MSRA: variants seen among roughly 807,000 people sequenced by gnomAD.
The protein encoded by MSRA is methionine sulfoxide reductase A, also known as mitochondrial peptide methionine sulfoxide reductase.
A neutral mutation model predicts 31.3 loss-of-function variants in MSRA; 54 were observed. The ratio of observed to expected loss-of-function variants is 1.73; its 90% CI spans 1.39 to 2.17. The LOEUF (loss-of-function observed/expected upper bound fraction) is 2.17. Among genes scored for constraint, MSRA ranks in the 30% most tolerant of loss-of-function variants. MSRA has a pLI of 0.00. For synonymous variants in MSRA, 169 were observed against 116.5 expected (o/e 1.45, Z -2.90); for missense variants, 507 against 300.9 (o/e 1.69, Z -5.07).
intron 3 of MSRA, among the ~76,000 whole-genome samples, chr8:10,293,232 G>A (rs899768551): frequency 2.0e-5 from 3 of 152,144 alleles, no homozygotes; most frequent in African/African-American, 7.2e-5. Context: ...TCAGGGGTGC[G>A]CCATCCCTAT....
chr8:10,060,648 T>G (rs1802662080), intron 1 of MSRA, among the ~76,000 whole-genome samples: 1 of 152,196 alleles, frequency 6.6e-6, no homozygotes, highest in African/African-American at 2.4e-5. Context: ...GTTTTTTTTT[T>G]TTTCAATTTT....
chr8:10,069,426 G>T (rs1423818767), intron 1 of MSRA, among the ~76,000 whole-genome samples: 2 of 152,184 alleles, frequency 1.3e-5, no homozygotes, highest in Non-Finnish European at 2.9e-5. Context: ...TCGTCCATTC[G>T]TGTTGTGATA....
At chr8:10,087,585 C>G (rs1798630628) in intron 1 of MSRA, among the ~76,000 whole-genome samples, 1 of 152,132 alleles carries the variant, frequency 6.6e-6, no homozygotes, top group African/African-American at 2.4e-5. Flanking sequence ...GGAAATGGTC[C>G]ATAACTCATT....
At chr8:10,365,513 A>T (rs1234432865) in intron 5 of MSRA, among the ~76,000 whole-genome samples, 1 of 152,236 alleles carries the variant, frequency 6.6e-6, no homozygotes, top group African/African-American at 2.4e-5. Context: ...ATAAAAAAAG[A>T]ACGTTGTTGG....
chr8:10,167,800 C>T (rs957719325), intron 1 of MSRA, among the ~76,000 whole-genome samples: 2 of 152,078 alleles, frequency 1.3e-5, no homozygotes, highest in South Asian at 2.1e-4. Context: ...GTGAGATGTA[C>T]AAACAGAAGG....
intron 2 of MSRA, among the ~76,000 whole-genome samples, chr8:10,217,855 C>T (rs925582171): frequency 2.6e-5 from 4 of 152,116 alleles, no homozygotes; most frequent in African/African-American, 9.7e-5. Context: ...GAATCATGAG[C>T]CAGATCGCGT....
intron 1 of MSRA, 109 bp downstream of exon 1, chr8:10,054,767 C>T (rs934935462): frequency 3.2e-6 from 4 of 1,244,252 alleles, no homozygotes; most frequent in East Asian, 6.7e-5. Flanking sequence ...TGGCCTCGGG[C>T]GGGTCGCGGG....
intron 1 of MSRA, among the ~76,000 whole-genome samples, chr8:10,148,581 A>T (rs1281099460): frequency 6.6e-6 from 1 of 151,740 alleles, no homozygotes; most frequent in Non-Finnish European, 1.5e-5. Flanking sequence ...TGGGAGGCAG[A>T]GGTTGCAGTG....
rs541240276 is a variant in MSRA, at chr8:10,321,978, G to T, written c.543+1989G>T. The stretch of plus-strand genomic sequence containing the variant: ...GTTTTAGAGTAATTTAAGTATACTT[G>T]TATTTCCATTCTAAAAACCTTTTAC... On this transcript the variant is annotated intron_variant, in intron 5 of 5. Transcript: ENST00000317173. Among the ~76,000 whole-genome samples the T allele has an allele frequency of 3.3e-5, 5 of 152,344 alleles. No individual in the cohort carries two copies. In the East Asian group the frequency reaches 9.6e-4, roughly 29 times the overall value.
At chr8:10,205,871 G>A (rs527574694) in intron 1 of MSRA, among the ~76,000 whole-genome samples, 44 of 152,172 alleles carry the variant, frequency 2.9e-4, no homozygotes, top group African/African-American at 1.1e-3. Flanking sequence ...CCACATTTCT[G>A]TATCTCTCTC....
chr8:10,341,550 C>T (rs1803428068), intron 5 of MSRA, among the ~76,000 whole-genome samples: 1 of 152,168 alleles, frequency 6.6e-6, no homozygotes, highest in Admixed American at 6.5e-5. Context: ...TATATTTAAA[C>T]CATATCAACT....
chr8:10,103,383 T>C (rs1390695201), intron 1 of MSRA, among the ~76,000 whole-genome samples: 1 of 152,230 alleles, frequency 6.6e-6, no homozygotes, highest in Non-Finnish European at 1.5e-5. Flanking sequence ...TCAGGGTTCT[T>C]ACGGGTCATC....
At chr8:10,282,579 G>A (rs1799678986) in intron 3 of MSRA, among the ~76,000 whole-genome samples, 1 of 152,132 alleles carries the variant, frequency 6.6e-6, no homozygotes, top group Non-Finnish European at 1.5e-5. Flanking sequence ...CAGCCATAGT[G>A]GCACTGTGCT....
chr8:10,315,454 A>C (rs1346198834), intron 4 of MSRA, among the ~76,000 whole-genome samples: 1 of 152,228 alleles, frequency 6.6e-6, no homozygotes, highest in African/African-American at 2.4e-5. Flanking sequence ...TTCACTTTAT[A>C]ATCACTAATT....
At chr8:10,323,157 C>T (rs990211900) in intron 5 of MSRA, among the ~76,000 whole-genome samples, 7 of 150,908 alleles carry the variant, frequency 4.6e-5, no homozygotes, top group African/African-American at 7.3e-5. Context: ...TCCACTTGAG[C>T]GGTGGGAGGG....
At chr8:10,305,409 C>CTTTT (rs549346544) in intron 4 of MSRA, among the ~76,000 whole-genome samples, 5 of 122,968 alleles carry the variant, frequency 4.1e-5, no homozygotes, top group Non-Finnish European at 4.9e-5. Flanking sequence ...TGTTTTCTTC[C>CTTTT]TTTTTTTTTT....
At chr8:10,100,331 G>A (rs1424598728) in intron 1 of MSRA, among the ~76,000 whole-genome samples, 1 of 152,254 alleles carries the variant, frequency 6.6e-6, no homozygotes, top group Admixed American at 6.5e-5. Flanking sequence ...GGCGGTGAGG[G>A]GCTGGAATTT....
chr8:10,389,298 G>A (rs1465179602), intron 5 of MSRA, among the ~76,000 whole-genome samples: 1 of 152,202 alleles, frequency 6.6e-6, no homozygotes, highest in East Asian at 1.9e-4. Context: ...GAGTGATAGA[G>A]TTCTAGAGGA....
intron 1 of MSRA, among the ~76,000 whole-genome samples, chr8:10,075,271 T>C (rs1183096638): frequency 3.9e-5 from 6 of 152,228 alleles, no homozygotes; most frequent in Non-Finnish European, 8.8e-5. Flanking sequence ...TGATTGAGCT[T>C]ATATTCTGTA....
Sources: allele counts gnomAD v4.1 joint callset (sites outside exome capture counted in the v4.1 genomes callset), GRCh38; gene constraint gnomAD v4.1.1; transcripts MANE v1.5; gene names NCBI Gene and HGNC (gene_info 2026-07-23, HGNC 2026-07-21).